Variants in NEGR1 observed in about 807,000 individuals in gnomAD.
NEGR1 encodes the protein IgLON family member 4.
In NEGR1, 10 loss-of-function variants were observed where a neutral mutation model predicts 40.9. The ratio of observed to expected loss-of-function variants is 0.24; its 90% CI spans 0.15 to 0.42. NEGR1 has a LOEUF of 0.42. Ranked by LOEUF, NEGR1 falls within the 10% of genes least tolerant of loss-of-function variation. NEGR1 has a pLI of 1.00. For synonymous variants in NEGR1, 185 were observed against 166.8 expected, an observed-to-expected ratio of 1.11 and a Z score of -0.84; for missense variants, 352 against 438.9, an observed-to-expected ratio of 0.80 and a Z score of 1.77.
chr1:71,888,653 AT>A (rs1236916328), intron 2 of NEGR1, among the ~76,000 whole-genome samples: 2 of 124,424 alleles, frequency 1.6e-5, no homozygotes, highest in Non-Finnish European at 3.4e-5. Context: ...GGCGCCCGCC[AT>A]TGCCCAGGCT....
rs1039187495 is a variant in NEGR1, at chr1:71,405,792, T to C, written c.*1654A>G. On this transcript the variant is annotated 3_prime_UTR_variant, in exon 7 of 7. Transcript: ENST00000357731. ...AAATTTCTTGTATCTAATTTTATTA[T>C]AGGGTCTTTGTTGTTACAACTTGTA... 1.3e-5 allele frequency: 2 copies of C among 151,920 alleles called. No individual in the cohort carries two copies. The highest frequency in any genetic ancestry group is 3.0e-5 in the Non-Finnish European group (2 of 67,704). 9.4% of individuals were successfully genotyped at this position (151,920 alleles called of 1,614,324 possible).
Position 71,599,817 on chromosome 1 carries a change from G to T in NEGR1, c.789-6849C>A, listed in dbSNP as rs1329861783. Among the ~76,000 whole-genome samples, 7 of 152,068 alleles carry T rather than the reference G, an allele frequency of 4.6e-5. No individual in the cohort carries two copies. In the South Asian group the frequency reaches 1.2e-3, roughly 27 times the overall value. Reference sequence around the variant, plus strand: ...TGCTTTCCTTGTGACAATTTGATTCGCATGGGAGGATATTCCCTTTTAACC... The same window carrying T: ...TGCTTTCCTTGTGACAATTTGATTCTCATGGGAGGATATTCCCTTTTAACC... On this transcript the variant is annotated intron_variant, in intron 5 of 6. Transcript: ENST00000357731.
intron 6 of NEGR1, among the ~76,000 whole-genome samples, chr1:71,535,599 T>C (rs994274616): frequency 8.6e-5 from 13 of 151,740 alleles, no homozygotes; most frequent in Admixed American, 3.3e-4. Flanking sequence ...GGTAATTTTA[T>C]GTAAAACAAG....
At chr1:71,442,994 T>C (rs1172642200) in intron 6 of NEGR1, among the ~76,000 whole-genome samples, 1 of 152,158 alleles carries the variant, frequency 6.6e-6, no homozygotes, top group Non-Finnish European at 1.5e-5. Flanking sequence ...CAGCCAGTGG[T>C]GGAGGATAAG....
chr1:71,599,729 C>T (rs754044460), intron 5 of NEGR1, among the ~76,000 whole-genome samples: 1 of 152,078 alleles, frequency 6.6e-6, no homozygotes, highest in Non-Finnish European at 1.5e-5. Context: ...ATTTAAAATG[C>T]ATGTCTTATT....
At chr1:71,582,454 A>C (rs1479801104) in intron 6 of NEGR1, among the ~76,000 whole-genome samples, 5 of 152,180 alleles carry the variant, frequency 3.3e-5, no homozygotes, top group Non-Finnish European at 2.9e-5. Flanking sequence ...TAGAACTATA[A>C]AATGGAGTGT....
chr1:71,905,641 T>G (rs1236612819), intron 2 of NEGR1, among the ~76,000 whole-genome samples: 1 of 152,076 alleles, frequency 6.6e-6, no homozygotes, highest in Non-Finnish European at 1.5e-5. Flanking sequence ...CTTAGCCTTT[T>G]GATTTAACAA....
rs762264715 is a variant in NEGR1, at chr1:71,776,268, C to T, written c.439G>A (p.Asp147Asn). Residue 147 changes from aspartate (D) to asparagine (N), a missense_variant, in exon 3 of 7, where the codon GAT becomes AAT. Asp to Asn is a conservative substitution (Grantham distance 23). This residue lies in a region of NEGR1 where 50 missense variants were observed against 53.0 expected (regional missense o/e 0.94). Transcript: ENST00000357731. ...VPPKIYDISN[D>N]MTVNEGTNVT... ...TTGGTTCCTTCATTGACGGTCATAT[C>T]ATTTGAGATGTCATATATCTTAGGA... 4 of 1,600,582 alleles carry T rather than the reference C, an allele frequency of 2.5e-6. No individual in the cohort carries two copies. The highest frequency in any genetic ancestry group is 2.6e-6 in the Non-Finnish European group (3 of 1,171,142).
At chr1:71,562,012 CT>C (rs1301159589) in intron 6 of NEGR1, among the ~76,000 whole-genome samples, 2 of 143,686 alleles carry the variant, frequency 1.4e-5, no homozygotes, top group East Asian at 2.2e-4. Flanking sequence ...ATTTTTGAAT[CT>C]GTTCCACTGG....
intron 3 of NEGR1, among the ~76,000 whole-genome samples, chr1:71,755,118 T>C (rs1208381387): frequency 6.6e-6 from 1 of 152,198 alleles, no homozygotes; most frequent in Non-Finnish European, 1.5e-5. Context: ...TTCTTTCAAA[T>C]ATCCTTCTCC....
intron 1 of NEGR1, among the ~76,000 whole-genome samples, chr1:72,031,297 T>C (rs539252523): frequency 3.3e-5 from 5 of 152,234 alleles, no homozygotes; most frequent in East Asian, 3.9e-4. Context: ...GCACTGGAGA[T>C]AGGGAGGAAG....
At chr1:71,621,754 T>C (rs1013165319) in intron 4 of NEGR1, among the ~76,000 whole-genome samples, 3 of 151,902 alleles carry the variant, frequency 2.0e-5, no homozygotes, top group Non-Finnish European at 4.4e-5. Context: ...ACCTAAGAGA[T>C]TATTTTCCTA....
intron 2 of NEGR1, among the ~76,000 whole-genome samples, chr1:71,932,719 T>C (rs1312630131): frequency 6.6e-6 from 1 of 152,072 alleles, no homozygotes; most frequent in Non-Finnish European, 1.5e-5. Flanking sequence ...CTAAGCTTCT[T>C]TATCTTGGTG....
chr1:71,541,656 G>C (rs1346494126), intron 6 of NEGR1, among the ~76,000 whole-genome samples: 1 of 151,728 alleles, frequency 6.6e-6, no homozygotes, highest in Non-Finnish European at 1.5e-5. Context: ...GGAACAGCAG[G>C]AACAGAACGG....
chr1:71,975,840 A>G (rs964869891), intron 1 of NEGR1, among the ~76,000 whole-genome samples: 3 of 152,224 alleles, frequency 2.0e-5, no homozygotes. Context: ...AAAACTTTTA[A>G]TTATTAGATT....
chr1:72,033,100 A>G (rs1258745427), intron 1 of NEGR1, among the ~76,000 whole-genome samples: 1 of 152,172 alleles, frequency 6.6e-6, no homozygotes, highest in African/African-American at 2.4e-5. Flanking sequence ...TCTACTAGAA[A>G]AGTCCAAATA....
intron 3 of NEGR1, among the ~76,000 whole-genome samples, chr1:71,713,446 T>C (rs1218058844): frequency 6.6e-6 from 1 of 152,234 alleles, no homozygotes; most frequent in Non-Finnish European, 1.5e-5. Context: ...AAATATACTT[T>C]TGATGTCTCC....
At chr1:71,501,378 T>C (rs1213475240) in intron 6 of NEGR1, among the ~76,000 whole-genome samples, 2 of 152,140 alleles carry the variant, frequency 1.3e-5, no homozygotes, top group Non-Finnish European at 2.9e-5. Flanking sequence ...TTAAGATAAT[T>C]TCTAAATACA....
intron 1 of NEGR1, among the ~76,000 whole-genome samples, chr1:71,953,853 C>T (rs2768383): frequency 0.037 from 5,543 of 151,822 alleles, 338 homozygotes; most frequent in African/African-American, 0.13. Context: ...AATGCTATTG[C>T]ATACTTAATA....
Sources: gnomAD v4.1 joint callset for allele counts (sites outside exome capture counted in the v4.1 genomes callset) on GRCh38, gnomAD v4.1.1 for gene constraint, gnomAD v4.1.1 regional missense constraint, MANE v1.5 for transcripts, NCBI Gene and HGNC (gene_info 2026-07-23, HGNC 2026-07-21) for gene names.